Variants in TRIM16 observed in about 807,000 individuals in gnomAD.
TRIM16 encodes tripartite motif containing 16.
A neutral mutation model predicts 50.4 loss-of-function variants in TRIM16; 33 were observed. The ratio of observed to expected loss-of-function variants is 0.65; its 90% confidence interval spans 0.50 to 0.88. The LOEUF (loss-of-function observed/expected upper bound fraction) is 0.88, where lower values mean the gene tolerates loss of function less well. Ranked by LOEUF, TRIM16 falls within the 40% of genes least tolerant of loss-of-function variation. The pLI is 0.00. For synonymous variants in TRIM16, 229 were observed against 270.7 expected, an observed-to-expected ratio of 0.85 and a Z score of 1.51; for missense variants, 581 against 686.8, an observed-to-expected ratio of 0.85 and a Z score of 1.72.
At chr17:15,669,479 G>A (rs149060925) in intron 6 of TRIM16, among the ~76,000 whole-genome samples, 109 of 152,240 alleles carry the variant, frequency 7.2e-4, no homozygotes, top group African/African-American at 2.4e-3. Context: ...ACATATACAC[G>A]CACAAGCAAA....
chr17:15,637,178 C>G (rs1986820058), intron 8 of TRIM16, among the ~76,000 whole-genome samples: 1 of 136,418 alleles, frequency 7.3e-6, no homozygotes, highest in Non-Finnish European at 1.6e-5. Flanking sequence ...GTGGGGGGGT[C>G]AGCCCCCCGC....
chr17:15,640,988 A>C (rs1367326639), intron 8 of TRIM16, among the ~76,000 whole-genome samples: 2 of 148,332 alleles, frequency 1.3e-5, no homozygotes, highest in Non-Finnish European at 3.0e-5. Context: ...TCCTCATAGA[A>C]GCACGATACC....
At chr17:15,655,648 C>T (rs1480022431) in intron 6 of TRIM16, among the ~76,000 whole-genome samples, 3 of 151,960 alleles carry the variant, frequency 2.0e-5, no homozygotes, top group Admixed American at 2.0e-4. Flanking sequence ...GATCTCGGCT[C>T]ACTGCAAGCT....
chr17:15,636,274 C>G lies in TRIM16; in HGVS notation c.616-5G>C. The G allele has an allele frequency of 3.7e-6, 6 of 1,608,296 alleles. No individual in the cohort carries two copies. The highest frequency in any genetic ancestry group is 5.1e-6 in the Non-Finnish European group (6 of 1,177,982). On this transcript the variant is annotated splice_region_variant and splice_polypyrimidine_tract_variant and intron_variant, in intron 8 of 11. Coordinates refer to ENST00000649191, the MANE Select transcript of TRIM16 (RefSeq NM_001348119.1). ...TTTGACCTCTGACACCGACACCTGG[C>G]AGGGGGTGGGGGTGGAAGGCAGCCA...
chr17:15,682,803 CA>C, intron 3 of TRIM16, 50 bp downstream of exon 3: 1 of 1,371,434 alleles, frequency 7.3e-7, no homozygotes, highest in Non-Finnish European at 9.4e-7. Context: ...TTCAGAGTTT[CA>C]AATTAAAAGG....
chr17:15,677,466 A>G, intron 5 of TRIM16, 109 bp downstream of exon 5: 3 of 968,568 alleles, frequency 3.1e-6, no homozygotes, highest in Non-Finnish European at 3.7e-6. Flanking sequence ...TCTGTGGGGG[A>G]AAATAACCAA....
intron 6 of TRIM16, among the ~76,000 whole-genome samples, chr17:15,676,592 C>G (rs951014482): frequency 6.6e-6 from 1 of 151,208 alleles, no homozygotes; most frequent in African/African-American, 2.4e-5. Context: ...CCCGCCACCA[C>G]GCCCGGCTAA....
intron 4 of TRIM16, among the ~76,000 whole-genome samples, chr17:15,680,199 G>A (rs960633217): frequency 6.6e-6 from 1 of 152,092 alleles, no homozygotes; most frequent in Admixed American, 6.6e-5. Context: ...TAGCCTAGGA[G>A]CTGCTTAAAA....
Position 15,651,232 on chromosome 17 carries a change from G to T in TRIM16, c.378C>A (p.His126Gln). 5.0e-6 allele frequency: 8 copies of T among 1,614,250 alleles called. No individual in the cohort carries two copies. Among genetic ancestry groups the T allele is most frequent in the Non-Finnish European group, 6.8e-6 (8 of 1,180,044 alleles). ...GGTGGGCAGGGCAGTATCGCCAGTTGTGGTCCTTCACTGGCTCGGTCAGCA... is the reference window on the plus strand; with the variant it reads ...GGTGGGCAGGGCAGTATCGCCAGTTTTGGTCCTTCACTGGCTCGGTCAGCA... ...SHLLTEPVKD[H>Q]NWRYCPAHHS... Residue 126 changes from histidine to glutamine, a missense_variant, in exon 7 of 12, where the codon CAC (histidine) becomes CAA (glutamine). By Grantham distance (24) the His-to-Gln change is conservative (BLOSUM62 0). Coordinates refer to ENST00000649191, the MANE Select transcript of TRIM16 (RefSeq NM_001348119.1).
intron 6 of TRIM16, among the ~76,000 whole-genome samples, chr17:15,674,094 G>A (rs1033867236): frequency 2.6e-5 from 4 of 152,122 alleles, no homozygotes; most frequent in Admixed American, 1.3e-4. Context: ...ACAATAGGCC[G>A]GGCGCGGTGG....
At chr17:15,662,187 C>T (rs953685689) in intron 6 of TRIM16, among the ~76,000 whole-genome samples, 2 of 152,182 alleles carry the variant, frequency 1.3e-5, no homozygotes, top group African/African-American at 4.8e-5. Context: ...ACACTGATGG[C>T]GTTTCCTTGG....
At chr17:15,637,121 G>C (rs1275883955) in intron 8 of TRIM16, among the ~76,000 whole-genome samples, 3 of 143,742 alleles carry the variant, frequency 2.1e-5, no homozygotes, top group African/African-American at 7.8e-5. Flanking sequence ...GAGGTGGGGG[G>C]GGGGGGTCAG....
chr17:15,660,934 G>A (rs1190458353), intron 6 of TRIM16, among the ~76,000 whole-genome samples: 1 of 151,688 alleles, frequency 6.6e-6, no homozygotes, highest in African/African-American at 2.4e-5. Flanking sequence ...AACACAGAGG[G>A]GGCTATTGCC....
intron 6 of TRIM16, among the ~76,000 whole-genome samples, chr17:15,674,368 C>CA (rs796198944): frequency 7.3e-4 from 89 of 121,118 alleles, no homozygotes; most frequent in Middle Eastern, 4.2e-3. Context: ...GACTCCGTCT[C>CA]AAAAAAAAAA....
chr17:15,653,255 C>A (rs1313797660), intron 6 of TRIM16, among the ~76,000 whole-genome samples: 1 of 152,230 alleles, frequency 6.6e-6, no homozygotes, highest in Non-Finnish European at 1.5e-5. Flanking sequence ...CGGCCTGAGG[C>A]CCTCACCAGA....
chr17:15,653,615 A>G, intron 6 of TRIM16, among the ~76,000 whole-genome samples: 1 of 152,298 alleles, frequency 6.6e-6, no homozygotes, highest in East Asian at 1.9e-4. Context: ...TCTTATAAGA[A>G]CACCAGTAAG....
chr17:15,661,097 CAG>C (rs1297556002), intron 6 of TRIM16, among the ~76,000 whole-genome samples: 1 of 152,104 alleles, frequency 6.6e-6, no homozygotes, highest in Admixed American at 6.5e-5. Flanking sequence ...GTCAAGTGGT[CAG>C]AGTCCTGATC....
At chr17:15,679,805 C>T (rs1207590705) in intron 4 of TRIM16, among the ~76,000 whole-genome samples, 2 of 151,946 alleles carry the variant, frequency 1.3e-5, no homozygotes, top group African/African-American at 4.8e-5. Context: ...GGCGCGGTGG[C>T]GGGTGCCTGT....
chr17:15,676,958 G>A (rs1322492365), intron 6 of TRIM16, among the ~76,000 whole-genome samples: 1 of 152,188 alleles, frequency 6.6e-6, no homozygotes, highest in Non-Finnish European at 1.5e-5. Context: ...GAGGCACAAA[G>A]CTGATCTCTG....
Sources: gnomAD v4.1 joint callset for allele counts (sites outside exome capture counted in the v4.1 genomes callset) on GRCh38, gnomAD v4.1.1 for gene constraint, MANE v1.5 for transcripts, NCBI Gene and HGNC (gene_info 2026-07-23, HGNC 2026-07-21) for gene names.